The following MUCL1 variants were observed in gnomAD, a reference collection of about 807,000 sequenced individuals.
MUCL1 encodes mucin like 1, also known as mucin-like protein 1.
In MUCL1, 11 loss-of-function variants were observed where a neutral mutation model predicts 9.2. The ratio of observed to expected loss-of-function variants is 1.19; its 90% CI spans 0.75 to 1.97. The LOEUF is 1.97. Ranked by LOEUF, MUCL1 falls within the 30% of genes most tolerant of loss-of-function variation. The probability of loss-of-function intolerance (pLI) is 0.00; values close to 1 mark genes in which losing one functional copy is unlikely to be tolerated. For synonymous variants in MUCL1, 48 were observed against 40.5 expected (o/e 1.19, Z -0.71); for missense variants, 144 against 110.9 (o/e 1.30, Z -1.34).
At chr12:54,853,243 G>T (rs534121940), upstream of MUCL1, among the ~76,000 whole-genome samples, 5 of 152,316 alleles carry the variant, frequency 3.3e-5, no homozygotes, top group East Asian at 1.9e-4. Context: ...AAAATGTAGA[G>T]AATTCCCTAT....
intron 3 of MUCL1, 36 bp from the exon 4 acceptor site, chr12:54,858,157 G>A: frequency 6.2e-7 from 1 of 1,612,210 alleles, no homozygotes; most frequent in African/African-American, 1.3e-5. Context: ...TTCATCCTTT[G>A]TCGAAGCCCC....
At chr12:54,831,231 T>A (rs1207160003) in intron 1 of MUCL1, among the ~76,000 whole-genome samples, 3 of 152,196 alleles carry the variant, frequency 2.0e-5, no homozygotes, top group African/African-American at 7.2e-5. Flanking sequence ...ATCAAATTAA[T>A]TTATGCAATT....
At chr12:54,854,731 GT>G (rs1237468475) in intron 1 of MUCL1, 91 bp downstream of exon 1, 14 of 1,229,270 alleles carry the variant, frequency 1.1e-5, no homozygotes, top group Non-Finnish European at 1.6e-5. Context: ...TGCTTAGAAT[GT>G]GCTTTTTTAC....
chr12:54,841,127 C>G (rs1283686316), intron 1 of MUCL1, among the ~76,000 whole-genome samples: 1 of 152,212 alleles, frequency 6.6e-6, no homozygotes, highest in Non-Finnish European at 1.5e-5. Flanking sequence ...AGCATAATGT[C>G]CTCCAGGTTC....
chr12:54,850,390 A>T (rs1289928831), upstream of MUCL1, among the ~76,000 whole-genome samples: 1 of 143,616 alleles, frequency 7.0e-6, no homozygotes, highest in African/African-American at 2.7e-5. Context: ...GTTGCCACCT[A>T]TGAGTGAGAA....
chr12:54,854,281 C>T (rs1421648721), upstream of MUCL1, among the ~76,000 whole-genome samples: 2 of 152,134 alleles, frequency 1.3e-5, no homozygotes, highest in Admixed American at 1.3e-4. Flanking sequence ...AAGAGGATGC[C>T]TGGAAGAGAA....
chr12:54,834,955 C>T (rs1419605384), upstream of MUCL1, among the ~76,000 whole-genome samples: 1 of 152,032 alleles, frequency 6.6e-6, no homozygotes, highest in African/African-American at 2.4e-5. Flanking sequence ...TATGCCTTTG[C>T]ATACAGATAG....
At chr12:54,838,286 C>G (rs559580152), upstream of MUCL1, among the ~76,000 whole-genome samples, 24 of 152,320 alleles carry the variant, frequency 1.6e-4, no homozygotes, top group African/African-American at 4.8e-4. Context: ...AAGGATTCTG[C>G]TGAGAAGTCT....
At position 54,856,894 on chromosome 12, in the gene MUCL1, T is replaced by C. The variant is rs767217981; in HGVS notation, c.223+2T>C. 7 of 1,613,558 alleles carry C rather than the reference T, an allele frequency of 4.3e-6. No individual in the cohort carries two copies. The Admixed American group carries it at 5.0e-5, about 12-fold the overall frequency. ...CCACTGCTCGTAAAGACATTCCAGG[T>C]AGCAAGACTCCTCCATCTGTGTGCT... is the stretch of plus-strand genomic sequence containing the variant. On this transcript the variant is annotated splice_donor_variant, in intron 3 of 3. Transcript: ENST00000308796. LOFTEE classifies it high-confidence loss of function.
At chr12:54,843,921 A>C (rs1450333977) in intron 1 of MUCL1, among the ~76,000 whole-genome samples, 1 of 152,214 alleles carries the variant, frequency 6.6e-6, no homozygotes, top group South Asian at 2.1e-4. Flanking sequence ...ATACACTGAC[A>C]TTCATTGATT....
Position 54,855,116 on chromosome 12 carries a change from A to C in MUCL1, c.59A>C (p.Gln20Pro). 1 of 1,613,158 alleles carries C rather than the reference A, an allele frequency of 6.2e-7. No homozygotes were observed. The highest frequency in any genetic ancestry group is 8.5e-7 in the Non-Finnish European group (1 of 1,179,540). The change falls in exon 2 of 4, where the codon CAG becomes CCG. Residue 20 changes from glutamine (Q) to proline (P), a missense_variant and splice_region_variant. Coordinates refer to ENST00000308796, the MANE Select transcript of MUCL1 (RefSeq NM_058173.3). ...LGVSIFLVSA[Q>P]NPTTAAPADT... ...TTAATTTTTCCTTCTTCTCTTTCAG[A>C]GAATCCGACAACAGCTGCTCCAGCT...
intron 1 of MUCL1, among the ~76,000 whole-genome samples, chr12:54,832,893 G>A (rs1959187284): frequency 6.6e-6 from 1 of 151,870 alleles, no homozygotes; most frequent in African/African-American, 2.4e-5. Context: ...TGTATGTCCT[G>A]GTATAAAGTG....
intron 1 of MUCL1, among the ~76,000 whole-genome samples, chr12:54,849,020 A>T (rs1187550325): frequency 6.6e-6 from 1 of 152,166 alleles, no homozygotes; most frequent in Non-Finnish European, 1.5e-5. Context: ...TAAGCAGGTA[A>T]TGCTAGAGTA....
At chr12:54,851,101 T>G (rs1266854660), upstream of MUCL1, among the ~76,000 whole-genome samples, 1 of 152,322 alleles carries the variant, frequency 6.6e-6, no homozygotes, top group East Asian at 1.9e-4. Context: ...TTTCTCCTAT[T>G]CTGTAGGTTG....
upstream of MUCL1, among the ~76,000 whole-genome samples, chr12:54,851,810 G>T (rs1204778414): frequency 5.3e-5 from 8 of 152,164 alleles, no homozygotes; most frequent in Non-Finnish European, 8.8e-5. Flanking sequence ...CTTCAGCAAA[G>T]TCTCAGGATA....
upstream of MUCL1, among the ~76,000 whole-genome samples, chr12:54,850,780 T>C (rs895261160): frequency 2.4e-4 from 37 of 152,318 alleles, no homozygotes; most frequent in Admixed American, 9.2e-4. Flanking sequence ...CCAACAACAG[T>C]GTAAAAGTGT....
upstream of MUCL1, among the ~76,000 whole-genome samples, chr12:54,852,997 G>A (rs1868266692): frequency 6.6e-6 from 1 of 152,084 alleles, no homozygotes; most frequent in Non-Finnish European, 1.5e-5. Flanking sequence ...TTGTCTTTCC[G>A]AGGTTGAAGA....
At chr12:54,851,209 G>T (rs1959333877), upstream of MUCL1, among the ~76,000 whole-genome samples, 1 of 152,140 alleles carries the variant, frequency 6.6e-6, no homozygotes, top group Non-Finnish European at 1.5e-5. Flanking sequence ...ATTGCTTTTG[G>T]TGTTTTAGAC....
chr12:54,840,399 C>A (rs1959205043), intron 1 of MUCL1, among the ~76,000 whole-genome samples: 1 of 152,212 alleles, frequency 6.6e-6, no homozygotes, highest in Non-Finnish European at 1.5e-5. Flanking sequence ...AGTTTCCTTC[C>A]AGAATGCTGT....
Sources: allele counts gnomAD v4.1 joint callset (sites outside exome capture counted in the v4.1 genomes callset), GRCh38; gene constraint gnomAD v4.1.1; transcripts MANE v1.5; gene names NCBI Gene and HGNC (gene_info 2026-07-23, HGNC 2026-07-21).